NRXN3: variants seen among roughly 807,000 people sequenced by gnomAD.
The protein encoded by NRXN3 is neurexin 3.
A neutral mutation model predicts 137.6 loss-of-function variants in NRXN3; 32 were observed. The observed-to-expected ratio is 0.23, with a 90% CI of 0.18 to 0.31. The LOEUF (loss-of-function observed/expected upper bound fraction) is 0.31. NRXN3 is among the 10% of genes least tolerant of loss of function. NRXN3 has a pLI of 1.00. For missense variants in NRXN3, 1,574 were observed against 2,062.5 expected (o/e 0.76, Z 4.59); for synonymous variants, 798 against 784.5 (o/e 1.02, Z -0.29).
At chr14:79,049,098 T>TAATAATAATAATAATAC (rs1272827423) in intron 15 of NRXN3, among the ~76,000 whole-genome samples, 5 of 102,310 alleles carry the variant, frequency 4.9e-5, no homozygotes, top group African/African-American at 2.1e-4. Context: ...AATAATAATA[T>TAATAATAATAATAATAC]GATGGGGTGT....
At chr14:78,401,412 T>C (rs1416479762) in intron 4 of NRXN3, among the ~76,000 whole-genome samples, 5 of 152,094 alleles carry the variant, frequency 3.3e-5, no homozygotes, top group Non-Finnish European at 7.4e-5. Context: ...TGATCTGCCC[T>C]CCTGAGCCTC....
At chr14:79,279,439 G>T (rs1373608431) in intron 15 of NRXN3, 2 of 985,908 alleles carry the variant, frequency 2.0e-6, no homozygotes, top group Non-Finnish European at 1.2e-6. Context: ...CCCGCCTCTC[G>T]GCCACCTCTG....
intron 6 of NRXN3, among the ~76,000 whole-genome samples, chr14:78,704,621 C>T (rs548118522): frequency 6.6e-6 from 1 of 152,062 alleles, no homozygotes; most frequent in Non-Finnish European, 1.5e-5. Context: ...GCATGGGGTA[C>T]AGGAGGGCCT....
intron 1 of NRXN3, among the ~76,000 whole-genome samples, chr14:78,190,104 G>A (rs138163706): frequency 1.4e-4 from 21 of 152,306 alleles, no homozygotes; most frequent in South Asian, 2.1e-4. Context: ...TGAGCACTCA[G>A]TGAACACCTG....
At chr14:79,172,869 G>A (rs2061924350) in intron 15 of NRXN3, among the ~76,000 whole-genome samples, 1 of 152,172 alleles carries the variant, frequency 6.6e-6, no homozygotes, top group East Asian at 1.9e-4. Context: ...GGCATGAAAA[G>A]TGGGCAAATA....
intron 20 of NRXN3, among the ~76,000 whole-genome samples, chr14:79,840,182 C>T (rs1393063714): frequency 1.3e-5 from 2 of 152,134 alleles, no homozygotes; most frequent in South Asian, 2.1e-4. Flanking sequence ...CTAAGGACCA[C>T]TCTATAACTC....
At chr14:79,458,078 G>A (rs919311417) in intron 15 of NRXN3, among the ~76,000 whole-genome samples, 3 of 152,156 alleles carry the variant, frequency 2.0e-5, no homozygotes, top group African/African-American at 7.2e-5. Flanking sequence ...ATAGAATAAC[G>A]TGGCTATCCT....
At position 79,352,232 on chromosome 14, in the gene NRXN3, TA is replaced by T. The variant is rs944657580; in HGVS notation, c.3263-114979del. 1.7e-4 allele frequency among the ~76,000 whole-genome samples: 25 copies of T among 149,670 alleles called. No individual in the cohort carries two copies. The East Asian group carries it at 1.8e-3, about 11-fold the overall frequency. On this transcript the variant is annotated intron_variant, in intron 15 of 20. Coordinates refer to ENST00000335750, the MANE Select transcript of NRXN3 (RefSeq NM_001330195.2). The stretch of plus-strand genomic sequence containing the variant: ...TTTGACACATTGCCCAATGTCAGGG[TA>T]AAAAAAAAATGCAGCGTCTGGCTAA...
intron 8 of NRXN3, among the ~76,000 whole-genome samples, chr14:78,777,462 T>A (rs1221711465): frequency 6.6e-6 from 1 of 152,192 alleles, no homozygotes; most frequent in Non-Finnish European, 1.5e-5. Context: ...ATCAGAGAGT[T>A]TGATCCTCAT....
At chr14:79,610,524 C>G (rs2098085936) in intron 16 of NRXN3, among the ~76,000 whole-genome samples, 1 of 152,212 alleles carries the variant, frequency 6.6e-6, no homozygotes, top group Non-Finnish European at 1.5e-5. Flanking sequence ...ACAGCACTAG[C>G]TACTAAACCT....
chr14:78,956,713 T>C (rs1265827784), intron 10 of NRXN3, among the ~76,000 whole-genome samples: 2 of 152,208 alleles, frequency 1.3e-5, no homozygotes, highest in Non-Finnish European at 2.9e-5. Flanking sequence ...GTGATTTCTA[T>C]GGTCGTGAAT....
intron 17 of NRXN3, among the ~76,000 whole-genome samples, chr14:79,666,190 T>C (rs755335928): frequency 6.6e-6 from 1 of 152,126 alleles, no homozygotes; most frequent in Non-Finnish European, 1.5e-5. Flanking sequence ...ATATATTAGA[T>C]TCTTTCTTCC....
At chr14:79,470,615 G>T (rs900939193) in intron 16 of NRXN3, among the ~76,000 whole-genome samples, 12 of 152,142 alleles carry the variant, frequency 7.9e-5, no homozygotes, top group African/African-American at 2.9e-4. Context: ...GAGCATAGCA[G>T]CAGAATATAT....
intron 16 of NRXN3, among the ~76,000 whole-genome samples, chr14:79,623,858 T>G (rs1358535751): frequency 2.0e-5 from 3 of 151,312 alleles, no homozygotes; most frequent in African/African-American, 7.3e-5. Flanking sequence ...TGTTTTTTTT[T>G]TTTTTTTTTT....
Position 78,988,154 on chromosome 14 carries a change from A to C in NRXN3, c.3262+13A>C. ...CAGTGCAATGATCGTAAGTACAACA[A>C]CCTTTCATACTGGAACTTTGTGAAG... On this transcript the variant is annotated intron_variant, in intron 15 of 20. Coordinates refer to ENST00000335750, the MANE Select transcript of NRXN3 (RefSeq NM_001330195.2). The C allele has an allele frequency of 1.2e-6, 2 of 1,613,590 alleles. No individual in the cohort carries two copies. Among genetic ancestry groups the C allele is most frequent in the Admixed American group, 1.7e-5 (1 of 59,990 alleles).
chr14:79,482,165 G>A (rs2096615318), intron 16 of NRXN3, among the ~76,000 whole-genome samples: 1 of 152,168 alleles, frequency 6.6e-6, no homozygotes, highest in South Asian at 2.1e-4. Flanking sequence ...GTTTTACAAA[G>A]CAGTTTAGTT....
chr14:79,223,187 G>A lies in NRXN3; in HGVS notation c.3262+235046G>A, dbSNP rs116853668. 9.5e-4 allele frequency among the ~76,000 whole-genome samples: 145 copies of A among 152,234 alleles called. 1 individual carries two copies. In the East Asian group the frequency reaches 0.023, roughly 24 times the overall value. The stretch of plus-strand genomic sequence containing the variant: ...GAAAGTCTTAGCAAATTCACCAAAA[G>A]TTAGAGCCAGAAGACTCACATTTCA... On this transcript the variant is annotated intron_variant, in intron 15 of 20. Coordinates refer to ENST00000335750, the MANE Select transcript of NRXN3 (RefSeq NM_001330195.2).
intron 4 of NRXN3, among the ~76,000 whole-genome samples, chr14:78,303,786 G>A (rs1333709856): frequency 6.6e-6 from 1 of 152,020 alleles, no homozygotes; most frequent in Non-Finnish European, 1.5e-5. Context: ...AGCCTCCTAA[G>A]TCTGCCAGAC....
At chr14:78,440,144 G>A (rs1280621996) in intron 4 of NRXN3, among the ~76,000 whole-genome samples, 2 of 152,220 alleles carry the variant, frequency 1.3e-5, no homozygotes, top group Admixed American at 6.5e-5. Flanking sequence ...TGCACCACCG[G>A]CCAGTACGTG....
Sources: gnomAD v4.1 joint callset for allele counts (sites outside exome capture counted in the v4.1 genomes callset) on GRCh38, gnomAD v4.1.1 for gene constraint, MANE v1.5 for transcripts, NCBI Gene and HGNC (gene_info 2026-07-23, HGNC 2026-07-21) for gene names.